The following WNT8B variants were observed in gnomAD, a reference collection of about 807,000 sequenced individuals.
WNT8B encodes Wnt family member 8B.
WNT8B carries 24 observed loss-of-function variants against 36.6 expected under a neutral mutation model. That is an observed-to-expected ratio of 0.66 (90% CI 0.48 to 0.92). The LOEUF (loss-of-function observed/expected upper bound fraction) is 0.92. Ranked by LOEUF, WNT8B falls within the 40% of genes least tolerant of loss-of-function variation. The pLI, the probability that WNT8B is intolerant of heterozygous loss-of-function variation, is 0.00. For synonymous variants in WNT8B, 199 were observed against 189.8 expected (o/e 1.05, Z -0.40); for missense variants, 402 against 470.8 (o/e 0.85, Z 1.35).
chr10:100,480,003 C>T lies in WNT8B; in HGVS notation c.232C>T (p.Leu78Phe). 1 of 1,613,328 alleles carries T rather than the reference C, an allele frequency of 6.2e-7. No individual in the cohort carries two copies. Reference protein sequence around the residue: ...RALQLSSHGGLRSANRETAFV... With the variant: ...RALQLSSHGGFRSANRETAFV... ...CCTGCAGCTGTCCAGCCATGGTGGG[C>T]TTCGCAGTGGTAAGAAAAACCTCAG... Residue 78 changes from leucine (L) to phenylalanine (F), a missense_variant, in exon 3 of 6, where the codon CTT becomes TTT. This residue lies in a region of WNT8B where 131 missense variants were observed against 152.6 expected (regional missense o/e 0.86). Coordinates refer to ENST00000343737, the MANE Select transcript of WNT8B (RefSeq NM_003393.4).
At position 100,473,953 on chromosome 10, in the gene WNT8B, A is replaced by G. The variant is rs527425349; in HGVS notation, c.69-5099A>G. ...AAAACAAAAAAAAAGGTGACTCTTC[A>G]TGATTTTTGTCTGAGCAACTAGGAG... On this transcript the variant is annotated intron_variant, in intron 1 of 5. Coordinates refer to ENST00000343737, the MANE Select transcript of WNT8B (RefSeq NM_003393.4). 8.5e-5 allele frequency among the ~76,000 whole-genome samples: 13 copies of G among 152,248 alleles called. 1 individual carries two copies. In the South Asian group the frequency reaches 2.7e-3, roughly 32 times the overall value.
intron 1 of WNT8B, among the ~76,000 whole-genome samples, chr10:100,464,607 T>C (rs920866025): frequency 1.3e-5 from 2 of 152,168 alleles, no homozygotes; most frequent in African/African-American, 4.8e-5. Context: ...ATTCCGATAC[T>C]GACACAGCCA....
In WNT8B at chr10:100,482,964, C is replaced by A; in HGVS notation, c.*148C>A. The A allele has an allele frequency of 2.2e-6, 2 of 927,188 alleles. No homozygotes were observed. The highest frequency in any genetic ancestry group is 1.5e-6 in the Non-Finnish European group (1 of 651,008). 57.4% of individuals were successfully genotyped at this position (927,188 alleles called of 1,614,324 possible). The stretch of plus-strand genomic sequence containing the variant: ...ACTGCAATTTCTCCAAAGCTTGCCA[C>A]TTTCCAGCCTGTTTCCCCAATTCCT... On this transcript the variant is annotated 3_prime_UTR_variant, in exon 6 of 6. Transcript: ENST00000343737. This position sits in a 1 kb window ranked among gnomAD's most constrained non-coding sequence, Gnocchi z 6.6.
At chr10:100,466,048 C>T (rs1029756763) in intron 1 of WNT8B, among the ~76,000 whole-genome samples, 1 of 151,820 alleles carries the variant, frequency 6.6e-6, no homozygotes, top group Admixed American at 6.6e-5. Flanking sequence ...TAAGTTTTTG[C>T]CATGTTGAAT....
chr10:100,478,478 C>G (rs995791192), intron 1 of WNT8B, among the ~76,000 whole-genome samples: 1 of 152,176 alleles, frequency 6.6e-6, no homozygotes, highest in Non-Finnish European at 1.5e-5. Flanking sequence ...GCAACCATCA[C>G]TATCAGGTAT....
At position 100,482,299 on chromosome 10, in the gene WNT8B, G is replaced by C. The variant is rs1162341775; in HGVS notation, c.539G>C (p.Cys180Ser). 6.3e-7 allele frequency: 1 copy of C among 1,594,132 alleles called. No individual in the cohort carries two copies. Among genetic ancestry groups the C allele is most frequent in the Non-Finnish European group, 8.5e-7 (1 of 1,174,874 alleles). Residue 180 changes from cysteine to serine, a missense_variant, in exon 6 of 6, where the codon TGC becomes TCC. Physicochemically the swap from Cys to Ser is moderately radical, Grantham distance 112. This residue lies in a region of WNT8B where 256 missense variants were observed against 278.6 expected (regional missense o/e 0.92). Transcript: ENST00000343737. The surrounding 1 kb of genome is among the most constrained non-coding windows in gnomAD (Gnocchi z 6.6). Reference protein sequence around the residue: ...KAVKGTMKRTCKCHGVSGSCT... With the variant: ...KAVKGTMKRTSKCHGVSGSCT... ...GTGAAGGGCACCATGAAACGCACGTGCAAGTGCCACGGCGTGTCTGGCAGC... is the reference window on the plus strand; with the variant it reads ...GTGAAGGGCACCATGAAACGCACGTCCAAGTGCCACGGCGTGTCTGGCAGC...
chr10:100,465,413 G>A (rs569423403), intron 1 of WNT8B, among the ~76,000 whole-genome samples: 1 of 152,256 alleles, frequency 6.6e-6, no homozygotes, highest in East Asian at 1.9e-4. Context: ...GGCCAGAGAT[G>A]AACCAATTTG....
chr10:100,463,040 T>G lies in WNT8B; in HGVS notation c.-129T>G. 1 of 753,380 alleles carries G rather than the reference T, an allele frequency of 1.3e-6. No homozygotes were observed. The allele number at this position is 753,380 out of a possible 1,614,324, so 46.7% of individuals were successfully genotyped here. On this transcript the variant is annotated 5_prime_UTR_variant, in exon 1 of 6. Coordinates refer to ENST00000343737, the MANE Select transcript of WNT8B (RefSeq NM_003393.4). ...CACCTCCCCTTAACTCTGTTTGGGA[T>G]CGCTTACACACCAAGGAAGTTGGGC...
chr10:100,464,467 G>A (rs1286755629), intron 1 of WNT8B, among the ~76,000 whole-genome samples: 1 of 152,192 alleles, frequency 6.6e-6, no homozygotes, highest in Non-Finnish European at 1.5e-5. Flanking sequence ...TTCTTCAGCT[G>A]ATTCAGTATC....
chr10:100,464,362 TA>T (rs1174943764), intron 1 of WNT8B, among the ~76,000 whole-genome samples: 5 of 151,764 alleles, frequency 3.3e-5, no homozygotes, highest in Admixed American at 1.3e-4. Context: ...ATTTCAATGT[TA>T]AAAAAAAGGT....
intron 1 of WNT8B, among the ~76,000 whole-genome samples, chr10:100,465,113 A>G (rs952292914): frequency 6.6e-6 from 1 of 152,172 alleles, no homozygotes; most frequent in Non-Finnish European, 1.5e-5. Context: ...CCTGCCTGAA[A>G]TTACTATCTA....
Position 100,479,072 on chromosome 10 carries a change from T to C in WNT8B, c.89T>C (p.Met30Thr). ...SHSWSVNNFL[M>T]TGPKAYLIYS... ...TATAGGTCGGTGAACAATTTCCTGA[T>C]GACTGGTCCAAAGGTAAGAACAAAT... Residue 30 changes from methionine to threonine, a missense_variant, in exon 2 of 6, where the codon ATG (methionine) becomes ACG (threonine). Around this residue, in one of 3 missense-constraint regions of WNT8B, gnomAD observed 131 missense variants for 152.6 expected, o/e 0.86. Coordinates refer to ENST00000343737, the MANE Select transcript of WNT8B (RefSeq NM_003393.4). 6.2e-7 allele frequency: 1 copy of C among 1,603,266 alleles called. No homozygotes were observed. The highest frequency in any genetic ancestry group is 8.5e-7 in the Non-Finnish European group (1 of 1,177,488).
At position 100,482,413 on chromosome 10, in the gene WNT8B, T is replaced by C. The variant is rs1036573130; in HGVS notation, c.653T>C (p.Val218Ala). The change falls in exon 6 of 6, where the codon GTG becomes GCG. Residue 218 changes from valine (V) to alanine (A), a missense_variant. By Grantham distance (64) the Val-to-Ala change is moderately conservative. This residue lies in a region of WNT8B where 256 missense variants were observed against 278.6 expected (regional missense o/e 0.92). Coordinates refer to ENST00000343737, the MANE Select transcript of WNT8B (RefSeq NM_003393.4). The surrounding 1 kb of genome is among the most constrained non-coding windows in gnomAD (Gnocchi z 6.6). ...LKEKYHAALKVDLLQGAGNSA... is the reference protein window; with the variant it reads ...LKEKYHAALKADLLQGAGNSA... ...GAGAAGTACCACGCAGCACTCAAGG[T>C]GGACCTGCTGCAGGGTGCTGGCAAC... 4 of 1,607,124 alleles carry C rather than the reference T, an allele frequency of 2.5e-6. No homozygotes were observed. The highest frequency in any genetic ancestry group is 1.7e-5 in the Admixed American group (1 of 60,016).
chr10:100,482,269 A>G lies in WNT8B; in HGVS notation c.511-2A>G. The stretch of plus-strand genomic sequence containing the variant: ...GCCTCTCACTCCTAGCTCTCTCCCC[A>G]GGCGGTGAAGGGCACCATGAAACGC... On this transcript the variant is annotated splice_acceptor_variant, in intron 5 of 5. Transcript: ENST00000343737. LOFTEE classifies it high-confidence loss of function. This position sits in a 1 kb window ranked among gnomAD's most constrained non-coding sequence, Gnocchi z 6.6. The G allele has an allele frequency of 6.3e-7, 1 of 1,580,268 alleles. No individual in the cohort carries two copies. The highest frequency in any genetic ancestry group is 8.6e-7 in the Non-Finnish European group (1 of 1,167,898).
intron 1 of WNT8B, among the ~76,000 whole-genome samples, chr10:100,475,164 C>T (rs1432611099): frequency 1.3e-5 from 2 of 151,960 alleles, no homozygotes; most frequent in African/African-American, 2.4e-5. Context: ...TGCTTGAACT[C>T]GGGAGGCGGA....
At position 100,479,034 on chromosome 10, in the gene WNT8B, T is replaced by C. The variant is rs1300885398; in HGVS notation, c.69-18T>C. On this transcript the variant is annotated intron_variant, in intron 1 of 5. Coordinates refer to ENST00000343737, the MANE Select transcript of WNT8B (RefSeq NM_003393.4). ...TCTCTGCATTATATTCTGTTTTTGTTTTTTTTTTCCCTTATAGGTCGGTGA... is the reference window on the plus strand; with the variant it reads ...TCTCTGCATTATATTCTGTTTTTGTCTTTTTTTTCCCTTATAGGTCGGTGA... 7.6e-6 allele frequency: 12 copies of C among 1,585,334 alleles called. No homozygotes were observed. Among genetic ancestry groups the C allele is most frequent in the African/African-American group, 1.4e-5 (1 of 73,234 alleles).
chr10:100,472,060 G>A (rs1850983439), intron 1 of WNT8B, among the ~76,000 whole-genome samples: 1 of 151,496 alleles, frequency 6.6e-6, no homozygotes, highest in African/African-American at 2.4e-5. Context: ...CCAGCATGGT[G>A]GCATGTGCCT....
chr10:100,468,359 C>T, intron 1 of WNT8B, among the ~76,000 whole-genome samples: 1 of 152,170 alleles, frequency 6.6e-6, no homozygotes, highest in Non-Finnish European at 1.5e-5. Context: ...TCCATCGATG[C>T]AACTGAGAAC....
rs534034075 is a variant in WNT8B at position 100,482,520 on chromosome 10, G to A, written c.760G>A (p.Asp254Asn). 6.2e-6 allele frequency: 10 copies of A among 1,600,554 alleles called. 1 individual carries two copies. The South Asian group carries it at 9.9e-5, about 16-fold the overall frequency. The part of the protein sequence containing the change: ...RELVHLEDSP[D>N]YCLENKTLGL... ...GCTGGTGCACCTGGAGGACTCCCCG[G>A]ACTACTGCCTGGAGAACAAAACGCT... The change falls in exon 6 of 6, where the codon GAC becomes AAC. Residue 254 changes from aspartate (D) to asparagine (N), a missense_variant. Physicochemically the swap from Asp to Asn is conservative, Grantham distance 23. This residue lies in a region of WNT8B where 256 missense variants were observed against 278.6 expected (regional missense o/e 0.92). Coordinates refer to ENST00000343737, the MANE Select transcript of WNT8B (RefSeq NM_003393.4). This position sits in a 1 kb window ranked among gnomAD's most constrained non-coding sequence, Gnocchi z 6.6.
Sources: allele counts gnomAD v4.1 joint callset (sites outside exome capture counted in the v4.1 genomes callset), GRCh38; gene constraint gnomAD v4.1.1; regional missense constraint gnomAD v4.1.1; non-coding constraint Gnocchi (gnomAD v3.1); transcripts MANE v1.5; gene names NCBI Gene and HGNC (gene_info 2026-07-23, HGNC 2026-07-21).